Variants in COL22A1 observed in about 807,000 individuals in gnomAD.
The protein encoded by COL22A1 is collagen alpha-1(XXII) chain.
In COL22A1, 221 loss-of-function variants were observed where a neutral mutation model predicts 248.9. That is an observed-to-expected ratio of 0.89 (90% CI 0.80 to 0.99). The LOEUF (loss-of-function observed/expected upper bound fraction) is 0.99. Ranked by LOEUF, COL22A1 falls within the 50% of genes least tolerant of loss-of-function variation. COL22A1 has a pLI of 0.00. For synonymous variants in COL22A1, 891 were observed against 793.4 expected, an observed-to-expected ratio of 1.12 and a Z score of -2.07; for missense variants, 2,240 against 2,179.0, an observed-to-expected ratio of 1.03 and a Z score of -0.56.
chr8:138,684,860 G>T (rs1462276751), intron 38 of COL22A1, among the ~76,000 whole-genome samples: 1 of 152,228 alleles, frequency 6.6e-6, no homozygotes, highest in Admixed American at 6.5e-5. Flanking sequence ...ACGTTTGGAA[G>T]TCTTGGCTGA....
At chr8:138,645,510 G>A (rs1371474111) in intron 47 of COL22A1, among the ~76,000 whole-genome samples, 1 of 152,166 alleles carries the variant, frequency 6.6e-6, no homozygotes, top group African/African-American at 2.4e-5. Flanking sequence ...TTCAACCAAG[G>A]AGACAACAAC....
chr8:138,831,594 C>T (rs966502147), intron 5 of COL22A1, among the ~76,000 whole-genome samples: 3 of 152,032 alleles, frequency 2.0e-5, no homozygotes, highest in Non-Finnish European at 2.9e-5. Flanking sequence ...GAGCAGGGCA[C>T]GTGTCCCAGG....
rs929328588 is a variant in COL22A1 at position 138,840,556 on chromosome 8, C to CACAG, written c.733+3527_733+3528insCTGT. 5.4e-5 allele frequency among the ~76,000 whole-genome samples: 8 copies of CACAG among 147,562 alleles called. No homozygotes were observed. The East Asian group carries it at 1.5e-3, about 29-fold the overall frequency. On this transcript the variant is annotated intron_variant, in intron 4 of 64. Transcript: ENST00000303045. The stretch of plus-strand genomic sequence containing the variant: ...GAGTACACACACACACACACACACA[C>CACAG]ACGCGCTCCTGAATCTTCCCAGCAA...
intron 39 of COL22A1, among the ~76,000 whole-genome samples, chr8:138,682,363 A>C (rs575641356): frequency 2.0e-5 from 3 of 152,350 alleles, no homozygotes; most frequent in African/African-American, 7.2e-5. Context: ...AGGAAACTTT[A>C]AAAATTGTTT....
At chr8:138,603,338 T>C (rs779071057) in intron 59 of COL22A1, among the ~76,000 whole-genome samples, 1 of 152,164 alleles carries the variant, frequency 6.6e-6, no homozygotes, top group Non-Finnish European at 1.5e-5. Context: ...TGGATGAATC[T>C]TTAAGTTGGG....
chr8:138,858,850 TC>T (rs1056102928), intron 3 of COL22A1, among the ~76,000 whole-genome samples: 2 of 152,108 alleles, frequency 1.3e-5, no homozygotes, highest in African/African-American at 4.8e-5. Context: ...ATCACATGAA[TC>T]CAGAGGCGGG....
At chr8:138,872,321 A>G (rs77377108) in intron 3 of COL22A1, among the ~76,000 whole-genome samples, 1 of 152,102 alleles carries the variant, frequency 6.6e-6, no homozygotes, top group South Asian at 2.1e-4. Context: ...GGAGAGAGAA[A>G]ACACCACGGG....
At chr8:138,795,780 T>A (rs1816461609) in intron 12 of COL22A1, among the ~76,000 whole-genome samples, 1 of 152,208 alleles carries the variant, frequency 6.6e-6, no homozygotes, top group South Asian at 2.1e-4. Flanking sequence ...CTTGTGCATA[T>A]CCTTGATTTA....
chr8:138,873,746 TTGAA>T (rs377320261), intron 3 of COL22A1, among the ~76,000 whole-genome samples: 6 of 152,088 alleles, frequency 3.9e-5, no homozygotes, highest in Non-Finnish European at 7.4e-5. Flanking sequence ...AATGTGCTTG[TTGAA>T]TGAATGAATG....
intron 1 of COL22A1, among the ~76,000 whole-genome samples, chr8:138,893,734 A>G (rs200829553): frequency 6.6e-6 from 1 of 152,236 alleles, no homozygotes; most frequent in East Asian, 1.9e-4. Context: ...TCATTGTTTT[A>G]GTCTGTAACT....
At chr8:138,705,899 G>A (rs1289993431) in intron 30 of COL22A1, among the ~76,000 whole-genome samples, 1 of 152,178 alleles carries the variant, frequency 6.6e-6, no homozygotes, top group African/African-American at 2.4e-5. Flanking sequence ...CTCACATGCA[G>A]AGACACACAT....
intron 1 of COL22A1, among the ~76,000 whole-genome samples, chr8:138,912,743 T>G (rs1815539961): frequency 7.9e-6 from 1 of 126,944 alleles, no homozygotes; most frequent in African/African-American, 3.5e-5. Context: ...AGAGTGAAAC[T>G]CGGCCTCAAA....
chr8:138,719,093 G>A (rs566517167), intron 27 of COL22A1, among the ~76,000 whole-genome samples: 7 of 152,256 alleles, frequency 4.6e-5, no homozygotes, highest in Admixed American at 1.3e-4. Flanking sequence ...CATGAAATTC[G>A]TGAAGTCAAG....
intron 3 of COL22A1, among the ~76,000 whole-genome samples, chr8:138,863,116 C>T (rs1349871522): frequency 6.6e-6 from 1 of 152,130 alleles, no homozygotes; most frequent in African/African-American, 2.4e-5. Flanking sequence ...AAATAAAGTC[C>T]TCTGCTAGCC....
At chr8:138,694,928 C>T (rs755764824) in intron 32 of COL22A1, 49 bp from the exon 33 acceptor site, 2 of 1,582,514 alleles carry the variant, frequency 1.3e-6, no homozygotes, top group Admixed American at 3.4e-5. Context: ...AGAACTGCCC[C>T]TCGTCACAGG....
chr8:138,760,433 G>A (rs1271629117), intron 17 of COL22A1, 146 bp from the exon 18 acceptor site: 3 of 658,436 alleles, frequency 4.6e-6, no homozygotes, highest in Non-Finnish European at 7.5e-6. Context: ...TGACTTTCTG[G>A]ACTGTGCTTA....
chr8:138,600,686 G>T (rs1817924483), intron 60 of COL22A1, among the ~76,000 whole-genome samples: 1 of 152,144 alleles, frequency 6.6e-6, no homozygotes, highest in Non-Finnish European at 1.5e-5. Flanking sequence ...CAATGTACCT[G>T]TATTGCTTTT....
At chr8:138,612,090 C>T (rs1818908699) in intron 56 of COL22A1, among the ~76,000 whole-genome samples, 1 of 144,162 alleles carries the variant, frequency 6.9e-6, no homozygotes, top group Admixed American at 6.8e-5. Flanking sequence ...TGCTTGTAGG[C>T]ATATTGAAAA....
Position 138,649,707 on chromosome 8 carries a change from A to G in COL22A1, c.3405T>C (p.Gly1135=). Reference sequence around the variant, plus strand: ...CTTCTCTCCCTGGCTTTCCTGGGACACCTTTGTCCCCTTTAAAACCTGGTA... The same window carrying G: ...CTTCTCTCCCTGGCTTTCCTGGGACGCCTTTGTCCCCTTTAAAACCTGGTA... ...PGLPGFKGDK[G]VPGKPGREGT... Residue 1135 remains glycine (G), a synonymous_variant, in exon 46 of 65, where the codon GGT becomes GGC. Transcript: ENST00000303045. The G allele has an allele frequency of 6.2e-7, 1 of 1,613,276 alleles. No homozygotes were observed. Among genetic ancestry groups the G allele is most frequent in the East Asian group, 2.2e-5 (1 of 44,866 alleles).
Sources: gnomAD v4.1 joint callset for allele counts (sites outside exome capture counted in the v4.1 genomes callset) on GRCh38, gnomAD v4.1.1 for gene constraint, MANE v1.5 for transcripts, NCBI Gene and HGNC (gene_info 2026-07-23, HGNC 2026-07-21) for gene names.